ARHGAP24: variants seen among roughly 807,000 people sequenced by gnomAD.
ARHGAP24 encodes the protein rho GTPase-activating protein 24.
ARHGAP24 carries 50 observed loss-of-function variants against 76.4 expected under a neutral mutation model. The observed-to-expected ratio is 0.65, with a 90% CI of 0.52 to 0.83. The LOEUF (loss-of-function observed/expected upper bound fraction) is 0.83, where lower values mean the gene tolerates loss of function less well. ARHGAP24 is among the 40% of genes least tolerant of loss of function. The pLI, the probability that ARHGAP24 is intolerant of heterozygous loss-of-function variation, is 0.00. For missense variants in ARHGAP24, 930 were observed against 914.2 expected (o/e 1.02, Z -0.22); for synonymous variants, 345 against 323.3 (o/e 1.07, Z -0.72).
intron 2 of ARHGAP24, among the ~76,000 whole-genome samples, chr4:85,717,359 C>G (rs1048722434): frequency 6.6e-6 from 1 of 152,040 alleles, no homozygotes; most frequent in Non-Finnish European, 1.5e-5. Context: ...GTTTCTTGAC[C>G]TTACCCTCTT....
chr4:85,749,981 C>T (rs902654762), intron 3 of ARHGAP24, among the ~76,000 whole-genome samples: 2 of 152,060 alleles, frequency 1.3e-5, no homozygotes, highest in African/African-American at 4.8e-5. Context: ...AGCAGCAACC[C>T]TCTCTCAGTC....
intron 3 of ARHGAP24, among the ~76,000 whole-genome samples, chr4:85,847,294 A>G (rs939035639): frequency 6.6e-6 from 1 of 152,034 alleles, no homozygotes; most frequent in African/African-American, 2.4e-5. Context: ...GCATTGTGTG[A>G]TAATACTATT....
chr4:85,810,835 CACAA>C (rs1187027064), intron 3 of ARHGAP24, among the ~76,000 whole-genome samples: 3 of 152,036 alleles, frequency 2.0e-5, no homozygotes, highest in African/African-American at 4.8e-5. Context: ...GGGACATTGT[CACAA>C]ACAATTTATT....
chr4:85,736,612 G>T (rs1725617169), intron 3 of ARHGAP24, among the ~76,000 whole-genome samples: 1 of 152,166 alleles, frequency 6.6e-6, no homozygotes, highest in Non-Finnish European at 1.5e-5. Context: ...TAAACATCAA[G>T]TAGAGGTGGA....
intron 3 of ARHGAP24, among the ~76,000 whole-genome samples, chr4:85,817,568 C>T (rs1010498545): frequency 6.6e-6 from 1 of 152,144 alleles, no homozygotes. Flanking sequence ...TGAAACCTTA[C>T]TGAATTATGT....
chr4:85,503,404 G>T (rs1723906770), intron 1 of ARHGAP24, among the ~76,000 whole-genome samples: 1 of 152,094 alleles, frequency 6.6e-6, no homozygotes, highest in Admixed American at 6.5e-5. Flanking sequence ...GCCTGTTATT[G>T]GTCTATTCAG....
intron 3 of ARHGAP24, among the ~76,000 whole-genome samples, chr4:85,906,944 A>G (rs1029326200): frequency 1.3e-5 from 2 of 152,182 alleles, no homozygotes; most frequent in African/African-American, 2.4e-5. Context: ...TAAAGAAGGG[A>G]GAAAGCTTAA....
At chr4:85,518,780 G>T (rs1438322068) in intron 1 of ARHGAP24, among the ~76,000 whole-genome samples, 1 of 152,078 alleles carries the variant, frequency 6.6e-6, no homozygotes, top group Non-Finnish European at 1.5e-5. Flanking sequence ...TGGGCATTTG[G>T]GTTGGTTCCA....
intron 1 of ARHGAP24, among the ~76,000 whole-genome samples, chr4:85,504,700 G>A (rs1187854381): frequency 6.6e-6 from 1 of 152,078 alleles, no homozygotes; most frequent in Non-Finnish European, 1.5e-5. Flanking sequence ...CTTTTAATTG[G>A]AACATTCAGC....
At chr4:85,998,740 G>A (rs1204761296) in intron 9 of ARHGAP24, among the ~76,000 whole-genome samples, 3 of 151,996 alleles carry the variant, frequency 2.0e-5, no homozygotes, top group Non-Finnish European at 2.9e-5. Context: ...TACTTCCCCA[G>A]GCCCATGATT....
intron 8 of ARHGAP24, among the ~76,000 whole-genome samples, chr4:85,982,925 C>G (rs184339399): frequency 6.4e-4 from 98 of 152,192 alleles, no homozygotes; most frequent in African/African-American, 1.8e-3. Flanking sequence ...TCCCTTCCCC[C>G]CCTTCTCCCA....
intron 8 of ARHGAP24, chr4:85,990,556 A>C (rs1244787014): frequency 1.3e-5 from 2 of 151,906 alleles, no homozygotes; most frequent in East Asian, 3.8e-4. Context: ...ACATAATTAA[A>C]AGTGTGCTAT....
At chr4:85,809,718 A>T (rs1421754951) in intron 3 of ARHGAP24, among the ~76,000 whole-genome samples, 1 of 152,162 alleles carries the variant, frequency 6.6e-6, no homozygotes, top group African/African-American at 2.4e-5. Context: ...GGCTTTTCAG[A>T]TCAGAGGAGC....
chr4:85,802,020 G>A (rs7689056), intron 3 of ARHGAP24, among the ~76,000 whole-genome samples: 37,880 of 152,086 alleles, frequency 0.25, 5,786 homozygotes, highest in East Asian at 0.52. Flanking sequence ...AGAATGTGCC[G>A]TGTATGTAAC....
At chr4:85,784,050 CCTCT>C (rs1234900134) in intron 3 of ARHGAP24, among the ~76,000 whole-genome samples, 1 of 152,126 alleles carries the variant, frequency 6.6e-6, no homozygotes, top group Admixed American at 6.6e-5. Context: ...CCCTTGCCTC[CCTCT>C]GAGTTGATTG....
At chr4:85,915,653 G>A (rs1186850306) in intron 3 of ARHGAP24, among the ~76,000 whole-genome samples, 1 of 149,878 alleles carries the variant, frequency 6.7e-6, no homozygotes, top group Non-Finnish European at 1.5e-5. Flanking sequence ...TCCCACTTAT[G>A]AGTGAGAACA....
At chr4:85,487,463 C>T (rs535343650) in intron 1 of ARHGAP24, among the ~76,000 whole-genome samples, 1,890 of 97,016 alleles carry the variant, frequency 0.019, 86 homozygotes, top group African/African-American at 0.078. Flanking sequence ...ATTATATAAA[C>T]ATATATTTAT....
chr4:85,756,548 A>G (rs143660553), intron 3 of ARHGAP24, among the ~76,000 whole-genome samples: 157 of 152,358 alleles, frequency 1.0e-3, no homozygotes, highest in African/African-American at 3.2e-3. Flanking sequence ...GAGAAGCTTT[A>G]AAAATATAAG....
intron 3 of ARHGAP24, among the ~76,000 whole-genome samples, chr4:85,880,483 C>T (rs1485653139): frequency 6.6e-6 from 1 of 151,794 alleles, no homozygotes; most frequent in Non-Finnish European, 1.5e-5. Flanking sequence ...ATGGCTTTTC[C>T]GCCTTAACTA....
Sources: gnomAD v4.1 joint callset for allele counts (sites outside exome capture counted in the v4.1 genomes callset) on GRCh38, gnomAD v4.1.1 for gene constraint, MANE v1.5 for transcripts, NCBI Gene and HGNC (gene_info 2026-07-23, HGNC 2026-07-21) for gene names.